Variants in ADGRL1 observed in about 807,000 individuals in gnomAD.
The protein encoded by ADGRL1 is CIRL-1.
In ADGRL1, 31 loss-of-function variants were observed where a neutral mutation model predicts 148.9. The ratio of observed to expected loss-of-function variants is 0.21; its 90% CI spans 0.16 to 0.28. The LOEUF (loss-of-function observed/expected upper bound fraction) is 0.28, where lower values mean the gene tolerates loss of function less well. Ranked by LOEUF, ADGRL1 falls within the 10% of genes least tolerant of loss-of-function variation. The pLI, the probability that ADGRL1 is intolerant of heterozygous loss-of-function variation, is 1.00. For missense variants in ADGRL1, 1,521 were observed against 2,058.8 expected (o/e 0.74, Z 5.05); for synonymous variants, 937 against 900.3 (o/e 1.04, Z -0.73).
Position 14,158,506 on chromosome 19 carries a change from G to A in ADGRL1, c.2196C>T (p.Phe732=). The A allele has an allele frequency of 6.2e-7, 1 of 1,614,092 alleles. No individual in the cohort carries two copies. Among genetic ancestry groups the A allele is most frequent in the Non-Finnish European group, 8.5e-7 (1 of 1,180,028 alleles). ...VFILYNNLGL[F]LSTENATVKL... Reference sequence around the variant, plus strand: ...TCACTGTGGCATTCTCCGTGGACAGGAAGAGGCCCAGGTTGTTGTAGAGGA... The same window carrying A: ...TCACTGTGGCATTCTCCGTGGACAGAAAGAGGCCCAGGTTGTTGTAGAGGA... Residue 732 remains phenylalanine, a synonymous_variant, in exon 12 of 23, where the codon TTC becomes TTT. Coordinates refer to ENST00000361434, the MANE Select transcript of ADGRL1 (RefSeq NM_014921.5).
Position 14,177,751 on chromosome 19 carries a change from G to C in ADGRL1, c.71-7C>G, listed in dbSNP as rs559438472. 34 of 1,606,714 alleles carry C rather than the reference G, an allele frequency of 2.1e-5. No homozygotes were observed. The Middle Eastern group carries it at 2.2e-3, about 102-fold the overall frequency. On this transcript the variant is annotated splice_region_variant and splice_polypyrimidine_tract_variant and intron_variant, in intron 2 of 22. Transcript: ENST00000361434. ...AGCCCGGCCCGGCTCAGGCCTGCAGGGAGGGTTGGGGATGGTGTCACTCCT... is the reference window on the plus strand; with the variant it reads ...AGCCCGGCCCGGCTCAGGCCTGCAGCGAGGGTTGGGGATGGTGTCACTCCT...
At position 14,161,577 on chromosome 19, in the gene ADGRL1, C is replaced by T. The variant is rs1236181611; in HGVS notation, c.1245G>A (p.Thr415=). The T allele has an allele frequency of 1.7e-5, 25 of 1,429,126 alleles. No homozygotes were observed. Among genetic ancestry groups the T allele is most frequent in the South Asian group, 3.1e-5 (2 of 63,720 alleles). 88.5% of individuals were successfully genotyped at this position (1,429,126 alleles called of 1,614,324 possible). A position where few individuals can be genotyped will look rare whatever the true frequency, so the allele number is the denominator to read the frequency against. The part of the protein sequence containing the change: ...PLSTTTTARP[T]PLTSTASPAA... Reference sequence around the variant, plus strand: ...CGGGCGAGGCTGTGCTGGTGAGGGGCGTGGGCCTGGCTGTGGTGGTCGTGC... The same window carrying T: ...CGGGCGAGGCTGTGCTGGTGAGGGGTGTGGGCCTGGCTGTGGTGGTCGTGC... Residue 415 remains threonine, a synonymous_variant, in exon 6 of 23, where the codon ACG becomes ACA. Coordinates refer to ENST00000361434, the MANE Select transcript of ADGRL1 (RefSeq NM_014921.5). This position sits in a 1 kb window ranked among gnomAD's most constrained non-coding sequence, Gnocchi z 4.4.
chr19:14,163,462 GGA>G (rs1969619161), intron 4 of ADGRL1, 56 bp from the exon 5 acceptor site: 1 of 1,020,852 alleles, frequency 9.8e-7, no homozygotes, highest in Admixed American at 2.4e-5. Context: ...GAGGCGAGAG[GGA>G]GGAGAGAGAG....
chr19:14,159,534 G>A lies in ADGRL1; in HGVS notation c.1890C>T (p.Ser630=). ...GCTCCGTGGCATTCATGTCCTTCCA[G>A]GACTCCAGAGCTTCTGGCCGGAGCA... ...DNLLRPEALE[S]WKDMNATEQV... is the part of the protein sequence containing the mutation. The change falls in exon 10 of 23, where the codon TCC becomes TCT. Residue 630 remains serine, a synonymous_variant. Coordinates refer to ENST00000361434, the MANE Select transcript of ADGRL1 (RefSeq NM_014921.5). This position sits in a 1 kb window ranked among gnomAD's most constrained non-coding sequence, Gnocchi z 6.0. 6.2e-7 allele frequency: 1 copy of A among 1,610,334 alleles called. No individual in the cohort carries two copies. The highest frequency in any genetic ancestry group is 1.7e-5 in the Admixed American group (1 of 59,890).
rs533535648 is a variant in ADGRL1 at position 14,181,130 on chromosome 19, C to T, written c.70+2403G>A. ...AAGTCCTTCTAGTGAATGATCATAC[C>T]TGAGTGTTCTCTGGGGGACCCCCAA... On this transcript the variant is annotated intron_variant, in intron 2 of 22. Coordinates refer to ENST00000361434, the MANE Select transcript of ADGRL1 (RefSeq NM_014921.5). Among the ~76,000 whole-genome samples the T allele has an allele frequency of 2.4e-3, 368 of 152,320 alleles. 4 individuals are homozygous for T. Among genetic ancestry groups the T allele is most frequent in the African/African-American group, 8.6e-3 (359 of 41,582 alleles).
At chr19:14,193,264 C>T (rs1175226514) in intron 1 of ADGRL1, among the ~76,000 whole-genome samples, 16 of 139,080 alleles carry the variant, frequency 1.2e-4, no homozygotes, top group Non-Finnish European at 2.2e-4. Context: ...CCCCCCGCCC[C>T]CACCGCCAAA....
At position 14,159,047 on chromosome 19, in the gene ADGRL1, G is replaced by A. The variant is rs760992561; in HGVS notation, c.2149+43C>T. On this transcript the variant is annotated intron_variant, in intron 11 of 22. Transcript: ENST00000361434. The surrounding 1 kb of genome is among the most constrained non-coding windows in gnomAD (Gnocchi z 6.0). ...GCTGGCACAGAGCTGGGGGGTGGGG[G>A]TGGGGCTGCTTCCCCACCCGAGGCC... The A allele has an allele frequency of 2.5e-6, 4 of 1,609,392 alleles. No individual in the cohort carries two copies. The highest frequency in any genetic ancestry group is 2.2e-5 in the East Asian group (1 of 44,832).
chr19:14,188,003 G>C lies in ADGRL1; in HGVS notation c.-95-4306C>G, dbSNP rs150197916. Among the ~76,000 whole-genome samples, 510 of 152,194 alleles carry C rather than the reference G, an allele frequency of 3.4e-3. 6 individuals carry two copies. The highest frequency in any genetic ancestry group is 0.012 in the African/African-American group (486 of 41,518). ...CCAGTGCTTTGGGAGGCTAAGGTGG[G>C]TGGATCACTTGAGCCCAGGAGTTTG... is the stretch of plus-strand genomic sequence containing the variant. On this transcript the variant is annotated intron_variant, in intron 1 of 22. Coordinates refer to ENST00000361434, the MANE Select transcript of ADGRL1 (RefSeq NM_014921.5).
chr19:14,166,135 C>T (rs1434386407), intron 4 of ADGRL1, among the ~76,000 whole-genome samples: 2 of 152,160 alleles, frequency 1.3e-5, no homozygotes, highest in East Asian at 3.9e-4. Flanking sequence ...CCTCTAACCA[C>T]AACAGCCCAG....
Position 14,158,477 on chromosome 19 carries a change from A to C in ADGRL1, c.2225T>G (p.Leu742Arg). 19 of 1,614,036 alleles carry C rather than the reference A, an allele frequency of 1.2e-5. No homozygotes were observed. The highest frequency in any genetic ancestry group is 1.6e-5 in the Non-Finnish European group (19 of 1,180,014). The change falls in exon 12 of 23, where the codon CTG becomes CGG. Residue 742 changes from leucine to arginine, a missense_variant. By Grantham distance (102) the Leu-to-Arg change is moderately radical. Transcript: ENST00000361434. ...FLSTENATVK[L>R]AGEAGPGGPG... is the part of the protein sequence containing the mutation. Reference sequence around the variant, plus strand: ...GCCACCCGGGCCTGCTTCGCCGGCCAGCTTCACTGTGGCATTCTCCGTGGA... The same window carrying C: ...GCCACCCGGGCCTGCTTCGCCGGCCCGCTTCACTGTGGCATTCTCCGTGGA...
At chr19:14,154,503 T>A (rs1968529477) in intron 18 of ADGRL1, among the ~76,000 whole-genome samples, 1 of 152,230 alleles carries the variant, frequency 6.6e-6, no homozygotes, top group Non-Finnish European at 1.5e-5. Context: ...TTGCCCAGGC[T>A]GGTCTTGAAT....
chr19:14,166,967 G>T, intron 4 of ADGRL1: 1 of 1,597,554 alleles, frequency 6.3e-7, no homozygotes, highest in Non-Finnish European at 8.6e-7. Flanking sequence ...TATGGTACAG[G>T]TAGAACAAAG....
Position 14,150,520 on chromosome 19 carries a change from C to G in ADGRL1, c.*353G>C. 4.0e-6 allele frequency: 1 copy of G among 247,028 alleles called. No homozygotes were observed. 15.3% of individuals were successfully genotyped at this position (247,028 alleles called of 1,614,324 possible). On this transcript the variant is annotated 3_prime_UTR_variant, in exon 23 of 23. Transcript: ENST00000361434. Reference sequence around the variant, plus strand: ...CCCTCCCTGCCCAGGAAACTAAAGCCCTCATTTCCCTTCACAGGGTAGAAG... The same window carrying G: ...CCCTCCCTGCCCAGGAAACTAAAGCGCTCATTTCCCTTCACAGGGTAGAAG...
At chr19:14,198,688 G>A (rs1038549105) in intron 1 of ADGRL1, among the ~76,000 whole-genome samples, 2 of 152,028 alleles carry the variant, frequency 1.3e-5, no homozygotes, top group African/African-American at 4.8e-5. Flanking sequence ...ATGCAGTTGT[G>A]AAACATTTCT....
intron 4 of ADGRL1, among the ~76,000 whole-genome samples, chr19:14,166,008 C>A (rs1005396100): frequency 6.6e-6 from 1 of 152,172 alleles, no homozygotes; most frequent in Non-Finnish European, 1.5e-5. Flanking sequence ...CTCCGCTCCC[C>A]CCAATAACAG....
At chr19:14,188,970 T>A (rs1568623837) in intron 1 of ADGRL1, among the ~76,000 whole-genome samples, 1 of 152,016 alleles carries the variant, frequency 6.6e-6, no homozygotes, top group South Asian at 2.1e-4. Context: ...CAGGCTAGTC[T>A]GGAACTCCTG....
chr19:14,156,338 A>G (rs375683441), intron 16 of ADGRL1, 137 bp from the exon 17 acceptor site: 1 of 708,006 alleles, frequency 1.4e-6, no homozygotes. Flanking sequence ...CCTGCCCCTG[A>G]GGTGCCCGCT....
rs1373723837 is a variant in ADGRL1, at chr19:14,151,043, G to T, written c.4240C>A (p.Pro1414Thr). 6.6e-7 allele frequency: 1 copy of T among 1,510,234 alleles called. No individual in the cohort carries two copies. The highest frequency in any genetic ancestry group is 1.3e-5 in the South Asian group (1 of 78,224). The allele number at this position is 1,510,234 out of a possible 1,614,324, so 93.6% of individuals were successfully genotyped here. A position where few individuals can be genotyped will look rare whatever the true frequency, so the allele number is the denominator to read the frequency against. ...CGCGAGGTGTAGTAGATTTCGGGGGGGCCGGGGGGTGCGGGAGGGGGTGGG... is the reference window on the plus strand; with the variant it reads ...CGCGAGGTGTAGTAGATTTCGGGGGTGCCGGGGGGTGCGGGAGGGGGTGGG... ...LPPPPPAPPG[P>T]PEIYYTSRPP... The change falls in exon 23 of 23, where the codon CCC becomes ACC. Residue 1414 changes from proline (P) to threonine (T), a missense_variant. Physicochemically the swap from Pro to Thr is conservative, Grantham distance 38 (BLOSUM62 -1). Around this residue, in one of 8 missense-constraint regions of ADGRL1, gnomAD observed 390 missense variants for 375.0 expected, o/e 1.04. Transcript: ENST00000361434.
rs1166987303 is a variant in ADGRL1 at position 14,184,634 on chromosome 19, A to ATTTTTTT, written c.-95-938_-95-937insAAAAAAA. ...TATTTATTTATTTATTTATTTATTT[A>ATTTTTTT]TTTATTTATTTATTTTTTTTTCTGA... On this transcript the variant is annotated intron_variant, in intron 1 of 22. Coordinates refer to ENST00000361434, the MANE Select transcript of ADGRL1 (RefSeq NM_014921.5). Among the ~76,000 whole-genome samples the ATTTTTTT allele has an allele frequency of 1.4e-4, 17 of 119,048 alleles. 1 individual carries two copies. Among genetic ancestry groups the ATTTTTTT allele is most frequent in the Admixed American group, 5.0e-4 (6 of 12,038 alleles). 78.1% of individuals were successfully genotyped at this position (119,048 alleles called of 152,430 possible).
Sources: allele counts gnomAD v4.1 joint callset (sites outside exome capture counted in the v4.1 genomes callset), GRCh38; gene constraint gnomAD v4.1.1; regional missense constraint gnomAD v4.1.1; non-coding constraint Gnocchi (gnomAD v3.1); transcripts MANE v1.5; gene names NCBI Gene and HGNC (gene_info 2026-07-23, HGNC 2026-07-21).